MBD5: variants seen among roughly 807,000 people sequenced by gnomAD.
MBD5 encodes methyl-CpG binding domain protein 5.
In MBD5, 13 loss-of-function variants were observed where a neutral mutation model predicts 117.3. That is an observed-to-expected ratio of 0.11 (90% confidence interval 0.07 to 0.18). The LOEUF is 0.18. MBD5 is among the 10% of genes least tolerant of loss of function. The probability of loss-of-function intolerance (pLI) is 1.00; values close to 1 mark genes in which losing one functional copy is unlikely to be tolerated. For missense variants in MBD5, 1,879 were observed against 2,093.8 expected, an observed-to-expected ratio of 0.90 and a Z score of 2.00; for synonymous variants, 727 against 766.4, an observed-to-expected ratio of 0.95 and a Z score of 0.85.
rs201821636 is a variant in MBD5, at chr2:148,458,875, A to G, written c.113+4A>G. ...AAAATGGAGTGCTTTATGTCAGGTA[A>G]GTTCTTATTATTACCTGTGGTACCT... On this transcript the variant is annotated splice_donor_region_variant and intron_variant, in intron 5 of 13. Coordinates refer to ENST00000642680, the MANE Select transcript of MBD5 (RefSeq NM_001378120.1). The G allele has an allele frequency of 2.5e-5, 40 of 1,609,272 alleles. No homozygotes were observed. The East Asian group carries it at 7.8e-4, about 31-fold the overall frequency.
intron 3 of MBD5, among the ~76,000 whole-genome samples, chr2:148,282,455 C>T (rs369729224): frequency 5.3e-5 from 8 of 151,990 alleles, no homozygotes; most frequent in Non-Finnish European, 1.2e-4. Context: ...TTTGTTTCCT[C>T]ATCTGTATTT....
In MBD5 at chr2:148,381,897, C is replaced by A. The variant is rs559116711; in HGVS notation, c.-557+39561C>A. ...AAGGAGAAATAAAATCCTTTACAGA[C>A]AAGCAAATGCTGAGAGATTTTGTCA... On this transcript the variant is annotated intron_variant, in intron 4 of 13. Transcript: ENST00000642680. Among the ~76,000 whole-genome samples the A allele has an allele frequency of 8.4e-3, 1,271 of 152,186 alleles. 23 individuals carry two copies. Among genetic ancestry groups the A allele is most frequent in the African/African-American group, 0.029 (1,223 of 41,540 alleles).
intron 1 of MBD5, among the ~76,000 whole-genome samples, chr2:148,099,768 G>A (rs1696158557): frequency 6.6e-6 from 1 of 152,134 alleles, no homozygotes; most frequent in African/African-American, 2.4e-5. Context: ...GTTTATCTTT[G>A]TTCAGTTCTA....
chr2:148,488,720 A>G (rs531213471), intron 10 of MBD5, among the ~76,000 whole-genome samples: 1 of 151,948 alleles, frequency 6.6e-6, no homozygotes, highest in East Asian at 1.9e-4. Flanking sequence ...CATCCTTCCT[A>G]TACTGGAATT....
In MBD5 at chr2:148,033,316, A is replaced by G. The variant is rs184056347; in HGVS notation, c.-925+11632A>G. Reference sequence around the variant, plus strand: ...GAGTGATTTCATACAGTTAGAAGTGATTATAAATTGCTCAGTTGTACTATT... The same window carrying G: ...GAGTGATTTCATACAGTTAGAAGTGGTTATAAATTGCTCAGTTGTACTATT... On this transcript the variant is annotated intron_variant, in intron 1 of 13. Transcript: ENST00000642680. 2.7e-3 allele frequency among the ~76,000 whole-genome samples: 415 copies of G among 152,334 alleles called. 1 individual carries two copies. Among genetic ancestry groups the G allele is most frequent in the Non-Finnish European group, 3.5e-3 (236 of 68,034 alleles).
intron 4 of MBD5, among the ~76,000 whole-genome samples, chr2:148,433,171 T>A (rs1461925036): frequency 6.6e-6 from 1 of 152,142 alleles, no homozygotes; most frequent in Non-Finnish European, 1.5e-5. Flanking sequence ...AGCTTTGATG[T>A]TGTTGGTGTA....
chr2:148,055,585 A>G (rs1393601701), intron 1 of MBD5: 2 of 152,100 alleles, frequency 1.3e-5, no homozygotes, highest in Admixed American at 1.3e-4. Flanking sequence ...TGCGCGTGCC[A>G]CCACGCTCGG....
chr2:148,320,503 G>A lies in MBD5; in HGVS notation c.-679-21711G>A, dbSNP rs187451600. On this transcript the variant is annotated intron_variant, in intron 3 of 13. Coordinates refer to ENST00000642680, the MANE Select transcript of MBD5 (RefSeq NM_001378120.1). ...CAAGTAGCTGGGACTACAGGTGCAT[G>A]TGCCACCATGCCCAGCTAATTTTTG... is the stretch of plus-strand genomic sequence containing the variant. 2.6e-3 allele frequency among the ~76,000 whole-genome samples: 390 copies of A among 152,070 alleles called. 1 individual carries two copies. The highest frequency in any genetic ancestry group is 9.2e-3 in the African/African-American group (382 of 41,498).
At chr2:148,336,413 A>C (rs549693180) in intron 3 of MBD5, among the ~76,000 whole-genome samples, 1 of 152,158 alleles carries the variant, frequency 6.6e-6, no homozygotes, top group Non-Finnish European at 1.5e-5. Context: ...TTGAGACAGG[A>C]TATGGCTCTG....
chr2:148,404,519 C>T (rs1015567275), intron 4 of MBD5, among the ~76,000 whole-genome samples: 1 of 152,184 alleles, frequency 6.6e-6, no homozygotes, highest in Non-Finnish European at 1.5e-5. Flanking sequence ...TGTAAACTCA[C>T]ACTGCATTGG....
At chr2:148,479,866 G>C (rs1681094629) in intron 8 of MBD5, among the ~76,000 whole-genome samples, 1 of 151,588 alleles carries the variant, frequency 6.6e-6, no homozygotes, top group South Asian at 2.1e-4. Context: ...TTATACACCT[G>C]TTATACCTCT....
At chr2:148,393,799 C>T (rs1404775501) in intron 4 of MBD5, among the ~76,000 whole-genome samples, 1 of 152,056 alleles carries the variant, frequency 6.6e-6, no homozygotes, top group Non-Finnish European at 1.5e-5. Flanking sequence ...TCAGATAGAA[C>T]AGATATTCTT....
chr2:148,171,126 T>C, intron 1 of MBD5, among the ~76,000 whole-genome samples: 1 of 152,144 alleles, frequency 6.6e-6, no homozygotes, highest in East Asian at 1.9e-4. Flanking sequence ...ACTTTCAAAC[T>C]CTTTTTATGA....
At chr2:148,278,984 C>G (rs1574231339) in intron 3 of MBD5, among the ~76,000 whole-genome samples, 1 of 152,170 alleles carries the variant, frequency 6.6e-6, no homozygotes, top group Non-Finnish European at 1.5e-5. Context: ...AATTGCCCTT[C>G]CTGCAGTTTT....
chr2:148,226,651 T>C (rs1699829015), intron 2 of MBD5, among the ~76,000 whole-genome samples: 1 of 152,198 alleles, frequency 6.6e-6, no homozygotes, highest in Non-Finnish European at 1.5e-5. Flanking sequence ...CTGGGTCAAA[T>C]GGTATTTCTA....
chr2:148,124,946 T>C (rs181521754), intron 1 of MBD5, among the ~76,000 whole-genome samples: 165 of 150,934 alleles, frequency 1.1e-3, no homozygotes, highest in African/African-American at 3.7e-3. Context: ...ATAAGCTATA[T>C]ATGATATATA....
chr2:148,372,409 ACACAATCGACCTTTT>A (rs1489634975), intron 4 of MBD5, among the ~76,000 whole-genome samples: 1 of 152,074 alleles, frequency 6.6e-6, no homozygotes, highest in Admixed American at 6.5e-5. Flanking sequence ...AATTCAAGCC[ACACAATCGACCTTTT>A]CAGAGTGACA....
chr2:148,368,589 A>G (rs1021474405), intron 4 of MBD5, among the ~76,000 whole-genome samples: 8 of 152,212 alleles, frequency 5.3e-5, no homozygotes, highest in African/African-American at 2.4e-5. Flanking sequence ...AGGGACTCCA[A>G]CTGAAGCAGT....
chr2:148,514,577 A>AG lies in MBD5; in HGVS notation c.*1638dup, dbSNP rs1212553814. 6.6e-6 allele frequency: 1 copy of AG among 152,364 alleles called. No homozygotes were observed. The highest frequency in any genetic ancestry group is 6.5e-5 in the Admixed American group (1 of 15,278). 9.4% of individuals were successfully genotyped at this position (152,364 alleles called of 1,614,324 possible). Reference sequence around the variant, plus strand: ...GGGCTCACACAACAGTCTGCCACTCAGGCTGCTAGGAGATTCTCCAATAGC... The same window carrying AG: ...GGGCTCACACAACAGTCTGCCACTCAGGGCTGCTAGGAGATTCTCCAATAGC... On this transcript the variant is annotated 3_prime_UTR_variant, in exon 14 of 14. Coordinates refer to ENST00000642680, the MANE Select transcript of MBD5 (RefSeq NM_001378120.1).
Sources: allele counts gnomAD v4.1 joint callset (sites outside exome capture counted in the v4.1 genomes callset), GRCh38; gene constraint gnomAD v4.1.1; transcripts MANE v1.5; gene names NCBI Gene and HGNC (gene_info 2026-07-23, HGNC 2026-07-21).